DNAH9: variants seen among roughly 807,000 people sequenced by gnomAD.
DNAH9 encodes the protein dynein axonemal heavy chain 9.
A neutral mutation model predicts 471.6 loss-of-function variants in DNAH9; 345 were observed. That is an observed-to-expected ratio of 0.73 (90% CI 0.67 to 0.80). The LOEUF is 0.80. DNAH9 is among the 30% of genes least tolerant of loss of function. The pLI is 0.00. For synonymous variants in DNAH9, 2,093 were observed against 2,123.6 expected, an observed-to-expected ratio of 0.99 and a Z score of 0.40; for missense variants, 5,407 against 5,609.2, an observed-to-expected ratio of 0.96 and a Z score of 1.15.
intron 22 of DNAH9, among the ~76,000 whole-genome samples, chr17:11,699,198 A>G (rs1005546071): frequency 1.3e-5 from 2 of 152,068 alleles, no homozygotes; most frequent in African/African-American, 4.8e-5. Context: ...GCAGTGAGCC[A>G]AGATTGCGCC....
At chr17:11,753,692 C>G (rs1438327795) in intron 33 of DNAH9, among the ~76,000 whole-genome samples, 3 of 152,150 alleles carry the variant, frequency 2.0e-5, no homozygotes, top group Non-Finnish European at 4.4e-5. Flanking sequence ...GGCTGTTAAG[C>G]TGGTAGCTGT....
intron 9 of DNAH9, among the ~76,000 whole-genome samples, chr17:11,638,003 G>A (rs1440601971): frequency 6.6e-6 from 1 of 152,202 alleles, no homozygotes; most frequent in Non-Finnish European, 1.5e-5. Flanking sequence ...GTGATCAGCT[G>A]GGTCTGCCTG....
intron 6 of DNAH9, among the ~76,000 whole-genome samples, chr17:11,625,085 C>T (rs937702520): frequency 6.6e-6 from 1 of 151,964 alleles, no homozygotes; most frequent in South Asian, 2.1e-4. Context: ...TGCACACACA[C>T]ACACACACAC....
At chr17:11,709,274 A>G (rs745483904) in intron 26 of DNAH9, among the ~76,000 whole-genome samples, 11 of 152,378 alleles carry the variant, frequency 7.2e-5, no homozygotes, top group South Asian at 6.2e-4. Flanking sequence ...TGAATACTAT[A>G]CAGACCTTCA....
chr17:11,816,228 C>T (rs182755685), intron 45 of DNAH9, among the ~76,000 whole-genome samples: 18 of 152,196 alleles, frequency 1.2e-4, no homozygotes, highest in South Asian at 6.2e-4. Flanking sequence ...GATTAATTTA[C>T]GTTATTGAAC....
chr17:11,898,385 T>A (rs1490344537), intron 59 of DNAH9, among the ~76,000 whole-genome samples: 1 of 152,176 alleles, frequency 6.6e-6, no homozygotes, highest in Non-Finnish European at 1.5e-5. Context: ...CCTCCCAAAG[T>A]GCTGGGATTA....
At chr17:11,661,041 T>C (rs2073750765) in intron 14 of DNAH9, among the ~76,000 whole-genome samples, 1 of 151,980 alleles carries the variant, frequency 6.6e-6, no homozygotes, top group Non-Finnish European at 1.5e-5. Context: ...TGTCATGTGT[T>C]TGAAGTTCTG....
At chr17:11,794,076 G>C (rs1383042921) in intron 42 of DNAH9, among the ~76,000 whole-genome samples, 1 of 107,392 alleles carries the variant, frequency 9.3e-6, no homozygotes, top group Non-Finnish European at 1.7e-5. Flanking sequence ...ACAGAGTCTT[G>C]CTCTTTCGCC....
chr17:11,631,829 T>TCA (rs1173775657), intron 7 of DNAH9, among the ~76,000 whole-genome samples: 1 of 152,124 alleles, frequency 6.6e-6, no homozygotes, highest in Non-Finnish European at 1.5e-5. Context: ...CCTTTTTTTT[T>TCA]CACACACACA....
intron 49 of DNAH9, among the ~76,000 whole-genome samples, chr17:11,852,984 A>G (rs1971486140): frequency 1.3e-5 from 2 of 150,864 alleles, no homozygotes; most frequent in Non-Finnish European, 1.5e-5. Context: ...ATAAGTATAT[A>G]TAAGAAAGTA....
At chr17:11,786,512 G>A (rs1555594425) in intron 41 of DNAH9, among the ~76,000 whole-genome samples, 1 of 152,176 alleles carries the variant, frequency 6.6e-6, no homozygotes, top group Non-Finnish European at 1.5e-5. Flanking sequence ...TGAGCACAGT[G>A]CTAAGCCCTT....
chr17:11,889,006 C>G (rs1432367948), intron 57 of DNAH9, among the ~76,000 whole-genome samples: 1 of 152,186 alleles, frequency 6.6e-6, no homozygotes, highest in Non-Finnish European at 1.5e-5. Context: ...AGGTTTTGAA[C>G]TTTGAAGTTT....
intron 19 of DNAH9, 100 bp from the exon 20 acceptor site, chr17:11,689,466 C>A: frequency 9.9e-7 from 1 of 1,012,424 alleles, no homozygotes; most frequent in Non-Finnish European, 1.4e-6. Context: ...TTTCCTAAAA[C>A]ACCAAGCATT....
At chr17:11,778,729 G>A (rs900667776) in intron 38 of DNAH9, among the ~76,000 whole-genome samples, 10 of 152,102 alleles carry the variant, frequency 6.6e-5, no homozygotes, top group Admixed American at 3.3e-4. Flanking sequence ...ATTGCAGGCC[G>A]GGCACAGTGG....
At chr17:11,785,023 G>A (rs145629743) in intron 41 of DNAH9, among the ~76,000 whole-genome samples, 79 of 152,170 alleles carry the variant, frequency 5.2e-4, no homozygotes, top group African/African-American at 1.7e-3. Flanking sequence ...CTCTAAGAGG[G>A]TCTCAGTCCT....
chr17:11,739,833 T>A (rs2075405900), intron 29 of DNAH9, among the ~76,000 whole-genome samples: 1 of 152,254 alleles, frequency 6.6e-6, no homozygotes, highest in Admixed American at 6.5e-5. Flanking sequence ...GCTTCATGGC[T>A]TCTGATCTTC....
chr17:11,769,448 G>A (rs969224539), intron 38 of DNAH9, 119 bp downstream of exon 38: 12 of 850,956 alleles, frequency 1.4e-5, no homozygotes, highest in East Asian at 2.7e-5. Flanking sequence ...CCAGCACTGC[G>A]CACTTCCTCC....
intron 60 of DNAH9, among the ~76,000 whole-genome samples, chr17:11,903,367 G>A (rs1015872006): frequency 6.6e-6 from 1 of 151,774 alleles, no homozygotes; most frequent in African/African-American, 2.4e-5. Flanking sequence ...AAAAAAAAAG[G>A]AAATTAAATA....
At chr17:11,953,593 C>T (rs1054231282) in intron 67 of DNAH9, among the ~76,000 whole-genome samples, 3 of 151,854 alleles carry the variant, frequency 2.0e-5, no homozygotes, top group Admixed American at 1.3e-4. Context: ...GGGCGGATCA[C>T]GAGGTCAGGA....
Sources: allele counts gnomAD v4.1 joint callset (sites outside exome capture counted in the v4.1 genomes callset), GRCh38; gene constraint gnomAD v4.1.1; transcripts MANE v1.5; gene names NCBI Gene and HGNC (gene_info 2026-07-23, HGNC 2026-07-21).